The following LRBA variants were observed in gnomAD, a reference collection of about 807,000 sequenced individuals.
The protein encoded by LRBA is LPS responsive beige-like anchor protein, also known as lipopolysaccharide-responsive and beige-like anchor protein.
In LRBA, 176 loss-of-function variants were observed where a neutral mutation model predicts 330.0. The ratio of observed to expected loss-of-function variants is 0.53; its 90% CI spans 0.47 to 0.60. The LOEUF is 0.60. Ranked by LOEUF, LRBA falls within the 20% of genes least tolerant of loss-of-function variation. The probability of loss-of-function intolerance (pLI) is 0.00; values close to 1 mark genes in which losing one functional copy is unlikely to be tolerated. For missense variants in LRBA, 3,259 were observed against 3,444.8 expected (o/e 0.95, Z 1.35); for synonymous variants, 1,230 against 1,193.0 (o/e 1.03, Z -0.64).
At chr4:150,556,564 G>A (rs13145262) in intron 40 of LRBA, among the ~76,000 whole-genome samples, 64,408 of 152,004 alleles carry the variant, frequency 0.42, 14,842 homozygotes, top group Admixed American at 0.51. Flanking sequence ...ATTTATTTTA[G>A]TGCCATAACT....
intron 40 of LRBA, among the ~76,000 whole-genome samples, chr4:150,501,740 A>AG (rs1257462077): frequency 6.6e-6 from 1 of 152,210 alleles, no homozygotes. Context: ...AAGGGTCAGA[A>AG]TACTTCCACT....
At chr4:150,439,896 C>T (rs1354025143) in intron 44 of LRBA, among the ~76,000 whole-genome samples, 1 of 152,158 alleles carries the variant, frequency 6.6e-6, no homozygotes, top group Non-Finnish European at 1.5e-5. Flanking sequence ...TGTTATAATG[C>T]TGCAAAACAT....
At position 150,690,354 on chromosome 4, in the gene LRBA, G is replaced by T. The variant is rs961343891; in HGVS notation, c.5755-6637C>A. 2.6e-5 allele frequency among the ~76,000 whole-genome samples: 4 copies of T among 151,890 alleles called. No homozygotes were observed. In the East Asian group the frequency reaches 7.8e-4, roughly 29 times the overall value. On this transcript the variant is annotated intron_variant, in intron 36 of 56. Coordinates refer to ENST00000651943, the MANE Select transcript of LRBA (RefSeq NM_001364905.1). Reference sequence around the variant, plus strand: ...CCATCTCTACTAAAATACAAAAAAAGTAGTTTGGCATGGTGGCACACGCCT... The same window carrying T: ...CCATCTCTACTAAAATACAAAAAAATTAGTTTGGCATGGTGGCACACGCCT...
At chr4:150,707,865 C>A (rs750514876) in intron 36 of LRBA, among the ~76,000 whole-genome samples, 17 of 151,584 alleles carry the variant, frequency 1.1e-4, no homozygotes, top group Non-Finnish European at 2.2e-4. Flanking sequence ...CCAGAAAGGT[C>A]ATTTAAAATA....
chr4:150,468,615 T>G, intron 43 of LRBA, among the ~76,000 whole-genome samples: 1 of 152,044 alleles, frequency 6.6e-6, no homozygotes, highest in East Asian at 1.9e-4. Flanking sequence ...TTTACTAGTC[T>G]ATACATATTT....
At position 150,916,430 on chromosome 4, in the gene LRBA, A is replaced by C; in HGVS notation, c.865T>G (p.Cys289Gly). 6.2e-7 allele frequency: 1 copy of C among 1,613,272 alleles called. No individual in the cohort carries two copies. Among genetic ancestry groups the C allele is most frequent in the African/African-American group, 1.3e-5 (1 of 75,046 alleles). The change falls in exon 7 of 57, where the codon TGT becomes GGT. Residue 289 changes from cysteine to glycine, a missense_variant. Physicochemically the swap from Cys to Gly is radical, Grantham distance 159. Coordinates refer to ENST00000651943, the MANE Select transcript of LRBA (RefSeq NM_001364905.1). ...TGTGGCTTGAAATCAAATTTCACACAGTGTTGAAAGCCTTTTCCTTTTGAC... is the reference window on the plus strand; with the variant it reads ...TGTGGCTTGAAATCAAATTTCACACCGTGTTGAAAGCCTTTTCCTTTTGAC... ...IKSKGKGFQHCVKFDFKPQKW... is the reference protein window; with the variant it reads ...IKSKGKGFQHGVKFDFKPQKW...
At chr4:150,845,252 G>A (rs1474424914) in intron 26 of LRBA, among the ~76,000 whole-genome samples, 1 of 152,116 alleles carries the variant, frequency 6.6e-6, no homozygotes, top group African/African-American at 2.4e-5. Context: ...AAACTTTGAT[G>A]TTCTTCTTAT....
At chr4:150,431,519 T>C (rs780981495) in intron 46 of LRBA, among the ~76,000 whole-genome samples, 33 of 152,150 alleles carry the variant, frequency 2.2e-4, no homozygotes, top group Non-Finnish European at 4.0e-4. Context: ...GCCATGTAAA[T>C]AGAGACATGT....
chr4:150,983,436 T>C (rs1741078699), intron 2 of LRBA, among the ~76,000 whole-genome samples: 2 of 148,278 alleles, frequency 1.3e-5, no homozygotes, highest in African/African-American at 5.0e-5. Context: ...GCCTGGGTGA[T>C]GAAGCAAGCA....
intron 47 of LRBA, among the ~76,000 whole-genome samples, chr4:150,396,952 A>T (rs1744816512): frequency 6.6e-6 from 1 of 152,216 alleles, no homozygotes; most frequent in African/African-American, 2.4e-5. Flanking sequence ...CACTTTCAAA[A>T]CACAATTTAC....
intron 44 of LRBA, among the ~76,000 whole-genome samples, chr4:150,460,729 A>G (rs1196955251): frequency 1.3e-5 from 2 of 151,828 alleles, no homozygotes; most frequent in Non-Finnish European, 2.9e-5. Context: ...CCAAAATAAC[A>G]GCTCATTTTG....
Position 150,831,833 on chromosome 4 carries a change from C to T in LRBA, c.4713G>A (p.Glu1571=), listed in dbSNP as rs75761402. Residue 1571 remains glutamate, a synonymous_variant, in exon 29 of 57, where the codon GAG becomes GAA. Transcript: ENST00000651943. The part of the protein sequence containing the change: ...QSCTETGSEN[E]NVSLSEITPA... ...CAAACTTACCAGAGAGTGATACATT[C>T]TCATTTTCACTGCCAGTTTCTGTAC... is the stretch of plus-strand genomic sequence containing the variant. 8.2e-4 allele frequency: 1,305 copies of T among 1,596,616 alleles called. 9 individuals carry two copies. The African/African-American group carries it at 0.016, about 19-fold the overall frequency.
intron 31 of LRBA, among the ~76,000 whole-genome samples, chr4:150,814,400 C>T (rs1433369417): frequency 6.6e-6 from 1 of 151,846 alleles, no homozygotes; most frequent in African/African-American, 2.4e-5. Context: ...AGCAGGACAA[C>T]CAAAAACACT....
chr4:150,452,381 T>C (rs1344037798), intron 44 of LRBA, among the ~76,000 whole-genome samples: 1 of 152,112 alleles, frequency 6.6e-6, no homozygotes, highest in Admixed American at 6.6e-5. Flanking sequence ...GGAACTTCTT[T>C]GGGAGGCCGA....
intron 44 of LRBA, among the ~76,000 whole-genome samples, chr4:150,445,990 T>C (rs1752573050): frequency 6.6e-6 from 1 of 151,970 alleles, no homozygotes; most frequent in African/African-American, 2.4e-5. Flanking sequence ...TAAAGTAGCA[T>C]AAGTTAAAGA....
At chr4:150,919,331 T>C (rs554909626) in intron 5 of LRBA, among the ~76,000 whole-genome samples, 1 of 152,334 alleles carries the variant, frequency 6.6e-6, no homozygotes, top group East Asian at 1.9e-4. Flanking sequence ...ACTATATACT[T>C]TAAATGAGTT....
At chr4:150,685,419 T>C (rs1471026518) in intron 36 of LRBA, among the ~76,000 whole-genome samples, 6 of 25,258 alleles carry the variant, frequency 2.4e-4, no homozygotes, top group African/African-American at 9.1e-4. Flanking sequence ...TATATATATA[T>C]ATTTTTTTTT....
intron 17 of LRBA, among the ~76,000 whole-genome samples, chr4:150,884,050 A>T (rs1003928944): frequency 5.3e-5 from 8 of 152,242 alleles, no homozygotes; most frequent in African/African-American, 1.9e-4. Flanking sequence ...CAGTGGCCTT[A>T]TTAATGAGAC....
chr4:150,671,041 T>TGTGTGAGA (rs779665914), intron 37 of LRBA, among the ~76,000 whole-genome samples: 8 of 142,832 alleles, frequency 5.6e-5, no homozygotes, highest in African/African-American at 8.0e-5. Context: ...TGTGTGTGTG[T>TGTGTGAGA]GAGAGAGAGA....
Sources: gnomAD v4.1 joint callset for allele counts (sites outside exome capture counted in the v4.1 genomes callset) on GRCh38, gnomAD v4.1.1 for gene constraint, MANE v1.5 for transcripts, NCBI Gene and HGNC (gene_info 2026-07-23, HGNC 2026-07-21) for gene names.